The following DENND1A variants were observed in gnomAD, a reference collection of about 807,000 sequenced individuals.
DENND1A encodes the protein DENN domain containing 1A, also known as DENN domain-containing protein 1A.
In DENND1A, 51 loss-of-function variants were observed where a neutral mutation model predicts 113.7. The ratio of observed to expected loss-of-function variants is 0.45; its 90% CI spans 0.36 to 0.57. The LOEUF is 0.57. DENND1A is among the 20% of genes least tolerant of loss of function. DENND1A has a pLI of 0.00. For missense variants in DENND1A, 1,258 were observed against 1,395.9 expected (o/e 0.90, Z 1.57); for synonymous variants, 565 against 570.8 (o/e 0.99, Z 0.14).
intron 21 of DENND1A, among the ~76,000 whole-genome samples, chr9:123,388,800 G>C (rs2042695303): frequency 6.6e-6 from 1 of 152,162 alleles, no homozygotes; most frequent in African/African-American, 2.4e-5. Flanking sequence ...GGCAGATCTG[G>C]GTTCAAATCC....
At chr9:123,708,910 T>C (rs1310272985) in intron 5 of DENND1A, among the ~76,000 whole-genome samples, 1 of 152,236 alleles carries the variant, frequency 6.6e-6, no homozygotes, top group Non-Finnish European at 1.5e-5. Context: ...ACTTTACTGT[T>C]ATGTATGATA....
At chr9:123,889,000 G>GTGTGTGTGTGTC (rs1225369221) in intron 1 of DENND1A, among the ~76,000 whole-genome samples, 1 of 149,802 alleles carries the variant, frequency 6.7e-6, no homozygotes, top group African/African-American at 2.5e-5. Flanking sequence ...GTGTGTGTGT[G>GTGTGTGTGTGTC]TGTGTGTATT....
At chr9:123,639,067 G>GAAAA in intron 9 of DENND1A, among the ~76,000 whole-genome samples, 1 of 68,916 alleles carries the variant, frequency 1.5e-5, no homozygotes, top group African/African-American at 5.6e-5. Flanking sequence ...AAAAAAAAAA[G>GAAAA]AAAGAAAGAA....
In DENND1A at chr9:123,645,632, G is replaced by A. The variant is rs1243135454; in HGVS notation, c.618+6381C>T. On this transcript the variant is annotated intron_variant, in intron 9 of 23. Transcript: ENST00000394215. ...TACAAGGAGAACCCCACCTCCTCCA[G>A]AGAAGCTTCTACCAGCAATCCATGA... Among the ~76,000 whole-genome samples the A allele has an allele frequency of 2.6e-5, 4 of 152,286 alleles. No homozygotes were observed. In the East Asian group the frequency reaches 7.7e-4, roughly 29 times the overall value.
intron 13 of DENND1A, among the ~76,000 whole-genome samples, chr9:123,539,840 G>A (rs974927476): frequency 2.8e-5 from 4 of 144,664 alleles, no homozygotes; most frequent in Admixed American, 7.0e-5. Flanking sequence ...CCGAGATCGC[G>A]CCACTGCACT....
chr9:123,470,173 C>T (rs1029567338), intron 13 of DENND1A, among the ~76,000 whole-genome samples: 30 of 152,320 alleles, frequency 2.0e-4, no homozygotes, highest in Middle Eastern at 3.4e-3. Flanking sequence ...ATGTCATGCT[C>T]TAGGCATTCA....
intron 13 of DENND1A, chr9:123,485,635 C>CCCGTGTGTGTGTGTGCGT (rs1381580957): frequency 6.5e-4 from 83 of 127,050 alleles, no homozygotes; most frequent in Admixed American, 2.0e-3. Context: ...TGTGTGTGCG[C>CCCGTGTGTGTGTGTGCGT]GTACACACAC....
chr9:123,432,427 T>C (rs2046203244), intron 19 of DENND1A, among the ~76,000 whole-genome samples: 1 of 152,192 alleles, frequency 6.6e-6, no homozygotes, highest in Non-Finnish European at 1.5e-5. Flanking sequence ...TGGCAGCGAA[T>C]GAGTCCAAAC....
chr9:123,422,568 T>C lies in DENND1A; in HGVS notation c.1489-10739A>G, dbSNP rs1211246414. ...ACGGAGAACCTGGTTTTAAAATTCC[T>C]GGACCTTGGAATACATTTCTATCTG... On this transcript the variant is annotated intron_variant, in intron 19 of 23. Transcript: ENST00000394215. The surrounding 1 kb of genome is among the most constrained non-coding windows in gnomAD (Gnocchi z 4.8). Among the ~76,000 whole-genome samples the C allele has an allele frequency of 6.6e-6, 1 of 152,156 alleles. No homozygotes were observed. The highest frequency in any genetic ancestry group is 6.5e-5 in the Admixed American group (1 of 15,270).
chr9:123,423,596 G>A (rs910870308), intron 19 of DENND1A, among the ~76,000 whole-genome samples: 1 of 152,194 alleles, frequency 6.6e-6, no homozygotes, highest in African/African-American at 2.4e-5. Context: ...ATGGATGGAA[G>A]CTGATCACTT....
chr9:123,478,583 T>C (rs1002250637), intron 13 of DENND1A, among the ~76,000 whole-genome samples: 1 of 152,230 alleles, frequency 6.6e-6, no homozygotes, highest in South Asian at 2.1e-4. Context: ...CTGATAGACA[T>C]GCTGAATGGT....
At chr9:123,599,962 C>G (rs1265037209) in intron 11 of DENND1A, among the ~76,000 whole-genome samples, 1 of 152,094 alleles carries the variant, frequency 6.6e-6, no homozygotes, top group East Asian at 1.9e-4. Flanking sequence ...TTAAACAAAA[C>G]CACATGCGCC....
In DENND1A at chr9:123,764,748, G is replaced by A. The variant is rs918972188; in HGVS notation, c.182+4766C>T. Among the ~76,000 whole-genome samples, 1 of 152,190 alleles carries A rather than the reference G, an allele frequency of 6.6e-6. No homozygotes were observed. The highest frequency in any genetic ancestry group is 2.4e-5 in the African/African-American group (1 of 41,438). On this transcript the variant is annotated intron_variant, in intron 4 of 23. Transcript: ENST00000394215. This position sits in a 1 kb window ranked among gnomAD's most constrained non-coding sequence, Gnocchi z 4.1. ...AGCAGAAGGAACAGCAGAGATTGAT[G>A]GAATCCAATTCCCTCATTTTATCCA...
chr9:123,757,664 TTC>T (rs770986987), intron 5 of DENND1A, 37 bp downstream of exon 5: 2 of 1,600,788 alleles, frequency 1.2e-6, no homozygotes, highest in South Asian at 2.2e-5. Context: ...CTGACATTGC[TTC>T]AGAGAACAAG....
intron 6 of DENND1A, among the ~76,000 whole-genome samples, chr9:123,675,559 G>A (rs1375970548): frequency 1.3e-5 from 2 of 152,034 alleles, no homozygotes; most frequent in South Asian, 2.1e-4. Flanking sequence ...TTTCCTTAAC[G>A]TTTAATAATA....
At chr9:123,643,376 A>T (rs1301618464) in intron 9 of DENND1A, among the ~76,000 whole-genome samples, 1 of 152,204 alleles carries the variant, frequency 6.6e-6, no homozygotes, top group African/African-American at 2.4e-5. Flanking sequence ...TCCTTCTGAA[A>T]AGCATCCGCT....
intron 3 of DENND1A, among the ~76,000 whole-genome samples, chr9:123,773,259 C>T (rs1369340676): frequency 1.3e-5 from 2 of 152,100 alleles, no homozygotes; most frequent in Non-Finnish European, 2.9e-5. Flanking sequence ...ACAAGAGACA[C>T]CAAGCCTCAG....
chr9:123,454,761 T>C lies in DENND1A; in HGVS notation c.1205A>G (p.His402Arg). Reference protein sequence around the residue: ...GEYAGSDKLYHQWLSTVRKGS... With the variant: ...GEYAGSDKLYRQWLSTVRKGS... ...TACCCGGACAGTGGAGAGCCACTGA[T>C]GGTACAGTTTGTCACTGCCTGGGGA... Residue 402 changes from histidine (H) to arginine (R), a missense_variant, in exon 16 of 24, where the codon CAT becomes CGT. Transcript: ENST00000394215. 2 of 1,554,800 alleles carry C rather than the reference T, an allele frequency of 1.3e-6. No homozygotes were observed. The highest frequency in any genetic ancestry group is 1.7e-6 in the Non-Finnish European group (2 of 1,148,520).
At chr9:123,584,124 C>T (rs1018800195) in intron 11 of DENND1A, among the ~76,000 whole-genome samples, 1 of 152,214 alleles carries the variant, frequency 6.6e-6, no homozygotes, top group Admixed American at 6.5e-5. Flanking sequence ...CCCATTCAAT[C>T]CTCCTTCCCC....
Sources: gnomAD v4.1 joint callset for allele counts (sites outside exome capture counted in the v4.1 genomes callset) on GRCh38, gnomAD v4.1.1 for gene constraint, Gnocchi (gnomAD v3.1) non-coding constraint, MANE v1.5 for transcripts, NCBI Gene and HGNC (gene_info 2026-07-23, HGNC 2026-07-21) for gene names.